SLC35D4: variants seen among roughly 807,000 people sequenced by gnomAD.
SLC35D4 encodes the protein UDP-N-acetylglucosamine transporter SLC35D4.
the SLC35D4 span, among the ~76,000 whole-genome samples, chr18:23,433,163 GGT>G: frequency 2.0e-5 from 3 of 151,454 alleles, no homozygotes; most frequent in African/African-American, 7.3e-5. Flanking sequence ...CAGTTCAAGT[GGT>G]GTTCCTGCCT....
At chr18:23,243,600 C>T in the SLC35D4 span, among the ~76,000 whole-genome samples, 4 of 151,458 alleles carry the variant, frequency 2.6e-5, no homozygotes, top group East Asian at 5.8e-4. Context: ...ACACAGGCCT[C>T]GGTGGCTCAT....
the SLC35D4 span, among the ~76,000 whole-genome samples, chr18:23,389,838 C>A: frequency 1.3e-5 from 2 of 152,182 alleles, no homozygotes; most frequent in African/African-American, 4.8e-5. Context: ...CCATACCCGG[C>A]CAGTTTGCAA....
chr18:23,326,860 C>T, the SLC35D4 span, among the ~76,000 whole-genome samples: 1 of 152,208 alleles, frequency 6.6e-6, no homozygotes, highest in Non-Finnish European at 1.5e-5. Context: ...GTCTCTCAGA[C>T]CACAGTGCAA....
At chr18:23,343,612 T>C in the SLC35D4 span, among the ~76,000 whole-genome samples, 19 of 152,266 alleles carry the variant, frequency 1.2e-4, no homozygotes, top group East Asian at 1.5e-3. Flanking sequence ...GTTTGTTATA[T>C]AGGTAAATTG....
chr18:23,269,674 A>C, the SLC35D4 span, among the ~76,000 whole-genome samples: 5 of 152,302 alleles, frequency 3.3e-5, no homozygotes, highest in East Asian at 5.8e-4. Flanking sequence ...AATGGTTTTG[A>C]CCAAAATGCT....
the SLC35D4 span, among the ~76,000 whole-genome samples, chr18:23,390,992 G>T: frequency 6.6e-6 from 1 of 152,174 alleles, no homozygotes; most frequent in African/African-American, 2.4e-5. Flanking sequence ...TTGAGAGGCT[G>T]AACCTGGTGG....
At chr18:23,317,912 G>T in the SLC35D4 span, among the ~76,000 whole-genome samples, 1 of 151,878 alleles carries the variant, frequency 6.6e-6, no homozygotes, top group African/African-American at 2.4e-5. Flanking sequence ...GGTAATTTTT[G>T]TATTTTTAGT....
the SLC35D4 span, chr18:23,384,875 T>G: frequency 1.2e-6 from 1 of 841,290 alleles, no homozygotes; most frequent in Non-Finnish European, 1.9e-6. Context: ...CAGGTAATCT[T>G]GCCTGGAGAT....
the SLC35D4 span, among the ~76,000 whole-genome samples, chr18:23,307,318 A>T: frequency 2.0e-5 from 3 of 152,266 alleles, no homozygotes; most frequent in Non-Finnish European, 2.9e-5. Context: ...TTCATCAGCA[A>T]TGAGCTGTTT....
chr18:23,327,391 A>G, the SLC35D4 span, among the ~76,000 whole-genome samples: 2 of 152,254 alleles, frequency 1.3e-5, no homozygotes, highest in African/African-American at 2.4e-5. Context: ...CCACAGAAAT[A>G]CAAACTACCA....
the SLC35D4 span, among the ~76,000 whole-genome samples, chr18:23,405,312 C>T: frequency 1.6e-4 from 25 of 152,146 alleles, no homozygotes; most frequent in Middle Eastern, 3.2e-3. Flanking sequence ...CTCAACCTCC[C>T]GAGTAGCTGG....
chr18:23,411,546 A>AAAGAAAGAAAGAAAGAAAGG, the SLC35D4 span, among the ~76,000 whole-genome samples: 9 of 148,886 alleles, frequency 6.0e-5, no homozygotes, highest in Non-Finnish European at 1.0e-4. Context: ...AGAAAGAAAG[A>AAAGAAAGAAAGAAAGAAAGG]AAGAAAGGTG....
the SLC35D4 span, among the ~76,000 whole-genome samples, chr18:23,246,069 C>T: frequency 3.3e-5 from 5 of 152,126 alleles, no homozygotes; most frequent in Admixed American, 2.6e-4. Flanking sequence ...AGATCGAGAC[C>T]ATCCTGGCCA....
chr18:23,354,345 C>CAAAAAAAAAAAA, the SLC35D4 span, among the ~76,000 whole-genome samples: 81 of 99,022 alleles, frequency 8.2e-4, no homozygotes, highest in South Asian at 1.1e-3. Context: ...ACTAAAAATA[C>CAAAAAAAAAAAA]AAAAAAAAAA....
chr18:23,239,454 G>A, the SLC35D4 span, among the ~76,000 whole-genome samples: 33 of 152,350 alleles, frequency 2.2e-4, no homozygotes, highest in African/African-American at 7.5e-4. Context: ...GTTCTTGACA[G>A]TGTGTTGTGT....
the SLC35D4 span, among the ~76,000 whole-genome samples, chr18:23,412,236 T>C: frequency 6.6e-6 from 1 of 152,170 alleles, no homozygotes; most frequent in Non-Finnish European, 1.5e-5. Context: ...GGAGGATCCC[T>C]TGAACCCAGG....
the SLC35D4 span, chr18:23,385,112 C>T: frequency 9.0e-6 from 14 of 1,563,154 alleles, no homozygotes; most frequent in Non-Finnish European, 1.1e-5. Flanking sequence ...TTTCTTCGAT[C>T]TCATAATCAT....
At chr18:23,294,804 C>T in the SLC35D4 span, among the ~76,000 whole-genome samples, 1 of 152,064 alleles carries the variant, frequency 6.6e-6, no homozygotes, top group African/African-American at 2.4e-5. Context: ...ACAAAGAGGA[C>T]TCTGAAAGGT....
the SLC35D4 span, among the ~76,000 whole-genome samples, chr18:23,293,415 A>G: frequency 6.6e-6 from 1 of 152,276 alleles, no homozygotes; most frequent in Non-Finnish European, 1.5e-5. Context: ...TATAAAAAAT[A>G]TTATTTCAAC....
Sources: gnomAD v4.1 joint callset for allele counts (sites outside exome capture counted in the v4.1 genomes callset) on GRCh38, gnomAD v4.1.1 for gene constraint, MANE v1.5 for transcripts, NCBI Gene and HGNC (gene_info 2026-07-23, HGNC 2026-07-21) for gene names.